The following PTPRR variants were observed in gnomAD, a reference collection of about 807,000 sequenced individuals.
PTPRR encodes protein tyrosine phosphatase receptor type R.
In PTPRR, 38 loss-of-function variants were observed where a neutral mutation model predicts 77.2. The ratio of observed to expected loss-of-function variants is 0.49; its 90% CI spans 0.38 to 0.65. The LOEUF (loss-of-function observed/expected upper bound fraction) is 0.65, where lower values mean the gene tolerates loss of function less well. Among genes scored for constraint, PTPRR ranks in the 30% least tolerant of loss-of-function variants. The pLI is 0.00. For synonymous variants in PTPRR, 299 were observed against 283.1 expected, an observed-to-expected ratio of 1.06 and a Z score of -0.57; for missense variants, 744 against 799.2, an observed-to-expected ratio of 0.93 and a Z score of 0.83.
intron 2 of PTPRR, among the ~76,000 whole-genome samples, chr12:70,844,479 A>G (rs1892450794): frequency 1.3e-5 from 2 of 152,324 alleles, no homozygotes; most frequent in South Asian, 4.1e-4. Context: ...TATGTCTAAC[A>G]TGTGATCTCA....
chr12:70,799,482 G>T (rs1157919987), intron 2 of PTPRR, among the ~76,000 whole-genome samples: 2 of 152,108 alleles, frequency 1.3e-5, no homozygotes, highest in East Asian at 3.9e-4. Context: ...AGCCATGAGA[G>T]AAATTAATAT....
chr12:70,867,093 G>C (rs1292923696), intron 2 of PTPRR, among the ~76,000 whole-genome samples: 3 of 148,904 alleles, frequency 2.0e-5, no homozygotes, highest in South Asian at 2.2e-4. Flanking sequence ...ATACTGAATG[G>C]GCAAAAACTG....
At chr12:70,748,009 G>A (rs1232815429) in intron 5 of PTPRR, among the ~76,000 whole-genome samples, 3 of 152,112 alleles carry the variant, frequency 2.0e-5, no homozygotes, top group African/African-American at 7.2e-5. Flanking sequence ...TGTGGGGGAA[G>A]GAGAAGGGAA....
intron 2 of PTPRR, among the ~76,000 whole-genome samples, chr12:70,823,807 G>T (rs1460728379): frequency 1.3e-5 from 2 of 152,186 alleles, no homozygotes; most frequent in African/African-American, 4.8e-5. Context: ...CCAAGAGAGG[G>T]CCAGTGAGGG....
At chr12:70,812,134 T>C (rs1365857338) in intron 2 of PTPRR, among the ~76,000 whole-genome samples, 1 of 152,160 alleles carries the variant, frequency 6.6e-6, no homozygotes, top group Non-Finnish European at 1.5e-5. Context: ...TACTGATCAC[T>C]TTTTTTAGAT....
At chr12:70,907,521 C>T (rs1455793522) in intron 1 of PTPRR, among the ~76,000 whole-genome samples, 1 of 152,130 alleles carries the variant, frequency 6.6e-6, no homozygotes, top group African/African-American at 2.4e-5. Flanking sequence ...CCATTGTCTG[C>T]TATTTGCTGG....
At chr12:70,890,859 AT>A (rs1192228817) in intron 2 of PTPRR, among the ~76,000 whole-genome samples, 9 of 151,934 alleles carry the variant, frequency 5.9e-5, no homozygotes, top group Non-Finnish European at 1.0e-4. Context: ...CCATACATCC[AT>A]TTTCTGTATG....
chr12:70,865,383 A>G lies in PTPRR; in HGVS notation c.357+27296T>C, dbSNP rs150996364. Among the ~76,000 whole-genome samples, 13 of 113,660 alleles carry G rather than the reference A, an allele frequency of 1.1e-4. 1 individual carries two copies. In the East Asian group the frequency reaches 3.3e-3, roughly 29 times the overall value. The allele number at this position is 113,660 out of a possible 152,430, so 74.6% of individuals were successfully genotyped here. A position where few individuals can be genotyped will look rare whatever the true frequency, so the allele number is the denominator to read the frequency against. On this transcript the variant is annotated intron_variant, in intron 2 of 13. Coordinates refer to ENST00000283228, the MANE Select transcript of PTPRR (RefSeq NM_002849.4). ...ATCCTAAACATTAAGGAACTGATAT[A>G]CTTACGAGACAGATTGGGAAGAGGA...
At chr12:70,905,071 C>T (rs900792254) in intron 1 of PTPRR, among the ~76,000 whole-genome samples, 1 of 142,620 alleles carries the variant, frequency 7.0e-6, no homozygotes, top group Non-Finnish European at 1.5e-5. Context: ...GTAGACTGAA[C>T]TCCCCCAGAA....
At chr12:70,680,229 A>G (rs1349871067) in intron 10 of PTPRR, among the ~76,000 whole-genome samples, 1 of 152,200 alleles carries the variant, frequency 6.6e-6, no homozygotes, top group Non-Finnish European at 1.5e-5. Flanking sequence ...GGCAATTTAT[A>G]AATTTCCATT....
chr12:70,905,030 C>T (rs999844955), intron 1 of PTPRR, among the ~76,000 whole-genome samples: 1 of 151,652 alleles, frequency 6.6e-6, no homozygotes, highest in African/African-American at 2.4e-5. Flanking sequence ...AAGGAGTGAT[C>T]AGACATAAGA....
At chr12:70,696,630 C>T (rs1055728631) in intron 8 of PTPRR, among the ~76,000 whole-genome samples, 1 of 152,122 alleles carries the variant, frequency 6.6e-6, no homozygotes, top group African/African-American at 2.4e-5. Flanking sequence ...AATTCACATT[C>T]CATACAATCC....
chr12:70,675,135 A>G (rs7971705), intron 10 of PTPRR, among the ~76,000 whole-genome samples: 60,024 of 151,902 alleles, frequency 0.4, 14,547 homozygotes, highest in African/African-American at 0.67. Context: ...AGTTTTATCT[A>G]ACTTGACTTT....
At chr12:70,838,018 A>T (rs545165722) in intron 2 of PTPRR, among the ~76,000 whole-genome samples, 1 of 152,288 alleles carries the variant, frequency 6.6e-6, no homozygotes, top group Non-Finnish European at 1.5e-5. Flanking sequence ...TTACAGTGGA[A>T]TATTATGATT....
chr12:70,779,980 C>G (rs907410649), intron 2 of PTPRR, among the ~76,000 whole-genome samples: 1 of 151,812 alleles, frequency 6.6e-6, no homozygotes, highest in Non-Finnish European at 1.5e-5. Context: ...TTAGTCTCAT[C>G]AACTTTTTGA....
intron 2 of PTPRR, among the ~76,000 whole-genome samples, chr12:70,792,621 T>C (rs1384953594): frequency 6.6e-6 from 1 of 152,202 alleles, no homozygotes; most frequent in Non-Finnish European, 1.5e-5. Flanking sequence ...TTTCAAATAA[T>C]TTTCAAATTC....
intron 10 of PTPRR, chr12:70,672,064 T>A: frequency 7.6e-7 from 1 of 1,320,662 alleles, no homozygotes; most frequent in Non-Finnish European, 1.1e-6. Context: ...TGGAGAATGG[T>A]GGAAGGGTTA....
intron 1 of PTPRR, among the ~76,000 whole-genome samples, chr12:70,908,454 A>G (rs978033300): frequency 3.3e-5 from 5 of 152,200 alleles, no homozygotes; most frequent in African/African-American, 4.8e-5. Flanking sequence ...ATCCCTCTTC[A>G]CATGGCAGCA....
At chr12:70,887,732 C>G (rs573194205) in intron 2 of PTPRR, among the ~76,000 whole-genome samples, 1 of 152,014 alleles carries the variant, frequency 6.6e-6, no homozygotes, top group South Asian at 2.1e-4. Context: ...AAGGCCAGAG[C>G]AGTTTGCAGG....
Sources: gnomAD v4.1 joint callset for allele counts (sites outside exome capture counted in the v4.1 genomes callset) on GRCh38, gnomAD v4.1.1 for gene constraint, MANE v1.5 for transcripts, NCBI Gene and HGNC (gene_info 2026-07-23, HGNC 2026-07-21) for gene names.